The following GRK7 variants were observed in gnomAD, a reference collection of about 807,000 sequenced individuals.
GRK7 encodes rhodopsin kinase GRK7.
In GRK7, 24 loss-of-function variants were observed where a neutral mutation model predicts 34.1. The ratio of observed to expected loss-of-function variants is 0.70; its 90% CI spans 0.51 to 0.99. GRK7 has a LOEUF of 0.99. Among genes scored for constraint, GRK7 ranks in the 50% least tolerant of loss-of-function variants. The pLI, the probability that GRK7 is intolerant of heterozygous loss-of-function variation, is 0.00. For synonymous variants in GRK7, 256 were observed against 279.4 expected (o/e 0.92, Z 0.84); for missense variants, 644 against 707.3 (o/e 0.91, Z 1.02).
chr3:141,769,613 T>C (rs567362914), intron 1 of GRK7, among the ~76,000 whole-genome samples: 7 of 152,344 alleles, frequency 4.6e-5, no homozygotes, highest in African/African-American at 1.7e-4. Context: ...TTTGGCCTTC[T>C]CTGATCTGTA....
At position 141,774,809 on chromosome 3, in the gene GRK7, T is replaced by C. The variant is rs1054201916; in HGVS notation, c.-114+129T>C. Among the ~76,000 whole-genome samples the C allele has an allele frequency of 5.7e-4, 80 of 141,266 alleles. 1 individual carries two copies. In the East Asian group the frequency reaches 0.016, roughly 28 times the overall value. 92.7% of individuals were successfully genotyped at this position (141,266 alleles called of 152,430 possible). ...TTATTATTATTATTATTATTATTAT[T>C]ATTATTAATTATTATTATATGTTTT... On this transcript the variant is annotated intron_variant, in intron 2 of 5. Coordinates refer to ENST00000682958, the MANE Select transcript of GRK7 (RefSeq NM_139209.3).
intron 5 of GRK7, among the ~76,000 whole-genome samples, chr3:141,811,555 G>A (rs932551052): frequency 6.6e-6 from 1 of 152,098 alleles, no homozygotes; most frequent in Non-Finnish European, 1.5e-5. Context: ...TACAACATTA[G>A]AGGAAAGGCA....
chr3:141,783,727 G>A (rs1041705181), intron 4 of GRK7, among the ~76,000 whole-genome samples: 3 of 152,150 alleles, frequency 2.0e-5, no homozygotes, highest in African/African-American at 4.8e-5. Flanking sequence ...AGGGCAGAGC[G>A]GGTTTAGATG....
chr3:141,756,157 C>T, the GRK7 span, among the ~76,000 whole-genome samples: 1 of 151,910 alleles, frequency 6.6e-6, no homozygotes, highest in Admixed American at 6.6e-5. Flanking sequence ...ACTAAAAATA[C>T]AAAAATTAGC....
intron 5 of GRK7, among the ~76,000 whole-genome samples, chr3:141,816,242 G>A (rs1034086878): frequency 2.6e-5 from 4 of 152,178 alleles, no homozygotes; most frequent in Non-Finnish European, 4.4e-5. Flanking sequence ...CAGTTGGGGA[G>A]GTAAGTGGGG....
intron 4 of GRK7, 56 bp from the exon 5 acceptor site, chr3:141,807,589 A>C: frequency 4.0e-6 from 6 of 1,493,768 alleles, no homozygotes; most frequent in Non-Finnish European, 3.7e-6. Context: ...TGTCTGCTAC[A>C]CTCACCTTAG....
At position 141,817,031 on chromosome 3, in the gene GRK7, G is replaced by A. The variant is rs752707158; in HGVS notation, c.1643G>A (p.Gly548Asp). 4.2e-5 allele frequency: 68 copies of A among 1,603,054 alleles called. No individual in the cohort carries two copies. Among genetic ancestry groups the A allele is most frequent in the Non-Finnish European group, 5.8e-5 (68 of 1,176,778 alleles). Residue 548 changes from glycine to aspartate, a missense_variant, in exon 6 of 6, where the codon GGC (glycine) becomes GAC (aspartate). By Grantham distance (94) the Gly-to-Asp change is moderately conservative. Transcript: ENST00000682958. ...GCEEGNSSKS[G>D]VCLLL ...GAGGAGGGTAATTCATCCAAGTCTG[G>A]CGTGTGTTTGTTATTGTAAATTGCT...
Position 141,764,610 on chromosome 3 carries a change from C to T in GRK7, c.-1343C>T, listed in dbSNP as rs1285115765. ...CAGTCCTTAGATTTCTCTGCCCTCA[C>T]CCCAGAGTGATCACACCCAGTCCTG... On this transcript the variant is annotated 5_prime_UTR_variant, in exon 1 of 6. Transcript: ENST00000682958. Among the ~76,000 whole-genome samples, 2 of 152,170 alleles carry T rather than the reference C, an allele frequency of 1.3e-5. No homozygotes were observed. Among genetic ancestry groups the T allele is most frequent in the Admixed American group, 6.5e-5 (1 of 15,270 alleles).
chr3:141,803,963 C>G (rs1469959844), intron 4 of GRK7, among the ~76,000 whole-genome samples: 6 of 152,150 alleles, frequency 3.9e-5, no homozygotes, highest in African/African-American at 9.7e-5. Context: ...CCCGCCTCAG[C>G]CTCACAAAGT....
chr3:141,756,965 A>T, the GRK7 span, among the ~76,000 whole-genome samples: 2 of 152,026 alleles, frequency 1.3e-5, no homozygotes, highest in Admixed American at 1.3e-4. Flanking sequence ...TTTAAGGGAA[A>T]ATGTTTTATT....
rs2084653440 is a variant in GRK7, at chr3:141,778,522, T to G, written c.238T>G (p.Phe80Val). The G allele has an allele frequency of 6.2e-7, 1 of 1,613,388 alleles. No individual in the cohort carries two copies. Among genetic ancestry groups the G allele is most frequent in the African/African-American group, 1.3e-5 (1 of 75,068 alleles). The change falls in exon 3 of 6, where the codon TTC becomes GTC. Residue 80 changes from phenylalanine to valine, a missense_variant. Phe to Val is a conservative substitution (Grantham distance 50, BLOSUM62 -1). Coordinates refer to ENST00000682958, the MANE Select transcript of GRK7 (RefSeq NM_139209.3). The surrounding 1 kb of genome is among the most constrained non-coding windows in gnomAD (Gnocchi z 4.1). The part of the protein sequence containing the change: ...FRDFLATVPT[F>V]RKAATFLEDV... ...TGACTTCCTAGCCACAGTGCCCACG[T>G]TCCGCAAGGCGGCAACCTTCCTAGA...
chr3:141,770,448 G>A (rs116770539), intron 1 of GRK7, among the ~76,000 whole-genome samples: 209 of 152,196 alleles, frequency 1.4e-3, no homozygotes, highest in African/African-American at 4.8e-3. Flanking sequence ...CACTACACCT[G>A]GCCAACAAGG....
chr3:141,784,262 C>A (rs1313743755), intron 4 of GRK7, among the ~76,000 whole-genome samples: 1 of 152,176 alleles, frequency 6.6e-6, no homozygotes, highest in Non-Finnish European at 1.5e-5. Context: ...TGTCCGCTAC[C>A]AGGAACGTAC....
At chr3:141,800,227 G>C (rs529464021) in intron 4 of GRK7, among the ~76,000 whole-genome samples, 60 of 152,150 alleles carry the variant, frequency 3.9e-4, no homozygotes, top group African/African-American at 1.4e-3. Flanking sequence ...CCAAATGAGA[G>C]CAAGCAGGCT....
intron 4 of GRK7, among the ~76,000 whole-genome samples, chr3:141,793,424 AG>A (rs1431674016): frequency 6.6e-6 from 1 of 152,116 alleles, no homozygotes; most frequent in Non-Finnish European, 1.5e-5. Flanking sequence ...GTGTTTTGAG[AG>A]TATTGTGGGA....
At chr3:141,751,012 C>T in the GRK7 span, among the ~76,000 whole-genome samples, 1 of 152,036 alleles carries the variant, frequency 6.6e-6, no homozygotes, top group African/African-American at 2.4e-5. Flanking sequence ...ATAGCTACTG[C>T]ACTCCAGGCT....
In GRK7 at chr3:141,796,797, C is replaced by A. The variant is rs114173973; in HGVS notation, c.1051-10848C>A. Among the ~76,000 whole-genome samples the A allele has an allele frequency of 3.1e-3, 474 of 152,294 alleles. 1 individual carries two copies. Among genetic ancestry groups the A allele is most frequent in the Admixed American group, 7.5e-3 (115 of 15,296 alleles). On this transcript the variant is annotated intron_variant, in intron 4 of 5. Coordinates refer to ENST00000682958, the MANE Select transcript of GRK7 (RefSeq NM_139209.3). ...AAGAACGGGAACTATTGATCTCTGACCATGTGCCAGGCCCTGCCTTTCAGT... is the reference window on the plus strand; with the variant it reads ...AAGAACGGGAACTATTGATCTCTGAACATGTGCCAGGCCCTGCCTTTCAGT...
chr3:141,788,162 G>A lies in GRK7; in HGVS notation c.1050+7351G>A, dbSNP rs138199072. Among the ~76,000 whole-genome samples the A allele has an allele frequency of 2.5e-3, 380 of 152,292 alleles. 1 individual carries two copies. Among genetic ancestry groups the A allele is most frequent in the African/African-American group, 8.9e-3 (371 of 41,574 alleles). Reference sequence around the variant, plus strand: ...CTGGGTATGAGCTGTGCCTCCCTGGGGGGGCACAGGCCCTTTCTCGCCACT... The same window carrying A: ...CTGGGTATGAGCTGTGCCTCCCTGGAGGGGCACAGGCCCTTTCTCGCCACT... On this transcript the variant is annotated intron_variant, in intron 4 of 5. Coordinates refer to ENST00000682958, the MANE Select transcript of GRK7 (RefSeq NM_139209.3).
intron 4 of GRK7, among the ~76,000 whole-genome samples, chr3:141,783,086 A>C (rs2084679655): frequency 6.6e-6 from 1 of 152,196 alleles, no homozygotes; most frequent in Non-Finnish European, 1.5e-5. Flanking sequence ...CATCAGGGCC[A>C]TGTTCCAGGT....
Sources: allele counts gnomAD v4.1 joint callset (sites outside exome capture counted in the v4.1 genomes callset), GRCh38; gene constraint gnomAD v4.1.1; non-coding constraint Gnocchi (gnomAD v3.1); transcripts MANE v1.5; gene names NCBI Gene and HGNC (gene_info 2026-07-23, HGNC 2026-07-21).